The following CACNA2D1 variants were observed in gnomAD, a reference collection of about 807,000 sequenced individuals.
CACNA2D1 encodes calcium voltage-gated channel auxiliary subunit alpha2delta 1.
CACNA2D1 carries 53 observed loss-of-function variants against 171.5 expected under a neutral mutation model. The observed-to-expected ratio is 0.31, with a 90% confidence interval of 0.25 to 0.39. The LOEUF (loss-of-function observed/expected upper bound fraction) is 0.39. Ranked by LOEUF, CACNA2D1 falls within the 10% of genes least tolerant of loss-of-function variation. CACNA2D1 has a pLI of 1.00. For synonymous variants in CACNA2D1, 442 were observed against 443.1 expected (o/e 1.00, Z 0.03); for missense variants, 903 against 1,299.8 (o/e 0.69, Z 4.69).
intron 3 of CACNA2D1, among the ~76,000 whole-genome samples, chr7:82,305,778 T>C (rs1308709765): frequency 1.3e-5 from 2 of 151,888 alleles, no homozygotes; most frequent in Non-Finnish European, 2.9e-5. Flanking sequence ...TTTCATCATA[T>C]CTATAGAGGG....
At chr7:82,426,256 T>C (rs1829177568) in intron 1 of CACNA2D1, among the ~76,000 whole-genome samples, 1 of 152,124 alleles carries the variant, frequency 6.6e-6, no homozygotes, top group Non-Finnish European at 1.5e-5. Flanking sequence ...CTCTGTATAA[T>C]CTGATTCACA....
At chr7:82,197,962 T>A (rs1799021104) in intron 3 of CACNA2D1, among the ~76,000 whole-genome samples, 1 of 151,990 alleles carries the variant, frequency 6.6e-6, no homozygotes, top group African/African-American at 2.4e-5. Context: ...GCAACACATT[T>A]TCCACATTGA....
intron 12 of CACNA2D1, chr7:82,027,850 G>A (rs867269796): frequency 6.6e-6 from 1 of 151,746 alleles, no homozygotes; most frequent in Non-Finnish European, 1.5e-5. Flanking sequence ...GTTATATTCA[G>A]TGGTCCCTGA....
At chr7:82,015,128 C>A (rs899656464) in intron 12 of CACNA2D1, among the ~76,000 whole-genome samples, 1 of 152,132 alleles carries the variant, frequency 6.6e-6, no homozygotes, top group Non-Finnish European at 1.5e-5. Context: ...ACCTGTCTCA[C>A]CTGGTTATAT....
At chr7:82,419,154 C>T (rs1057166420) in intron 1 of CACNA2D1, among the ~76,000 whole-genome samples, 3 of 151,696 alleles carry the variant, frequency 2.0e-5, no homozygotes, top group Admixed American at 6.6e-5. Flanking sequence ...AAAAGTAAAG[C>T]GTCACACTGT....
intron 1 of CACNA2D1, among the ~76,000 whole-genome samples, chr7:82,429,295 T>C (rs1004573356): frequency 6.6e-6 from 1 of 152,218 alleles, no homozygotes; most frequent in African/African-American, 2.4e-5. Context: ...ATGTGTATTA[T>C]ATGTATGCAC....
chr7:82,118,503 C>T (rs1330480458), intron 5 of CACNA2D1, among the ~76,000 whole-genome samples: 1 of 152,046 alleles, frequency 6.6e-6, no homozygotes, highest in African/African-American at 2.4e-5. Flanking sequence ...AGTATTATTC[C>T]TGGCTTTGCA....
Position 81,950,393 on chromosome 7 carries a change from C to T in CACNA2D1, c.3275G>A (p.Ter1092=), listed in dbSNP as rs890005272. The T allele has an allele frequency of 5.0e-6, 8 of 1,612,966 alleles. No homozygotes were observed. The highest frequency in any genetic ancestry group is 1.3e-5 in the African/African-American group (1 of 74,778). Residue 1092 remains the stop codon, a stop_retained_variant, in exon 39 of 39, where the codon TGA becomes TAA. Coordinates refer to ENST00000356860, the MANE Select transcript of CACNA2D1 (RefSeq NM_000722.4). The part of the protein sequence containing the change: ...LVSGSTHRLL[*] ...TATGCAGATTTGGTTTTTAGAAGGT[C>T]ATAACAGGCGGTGTGTGCTGCCAGA...
chr7:82,247,368 G>A (rs1805052473), intron 3 of CACNA2D1, among the ~76,000 whole-genome samples: 1 of 152,018 alleles, frequency 6.6e-6, no homozygotes, highest in Non-Finnish European at 1.5e-5. Flanking sequence ...AAATTAGCCA[G>A]GGGTGGTGAT....
chr7:82,196,576 G>A (rs1798874829), intron 3 of CACNA2D1, among the ~76,000 whole-genome samples: 2 of 152,192 alleles, frequency 1.3e-5, no homozygotes, highest in Admixed American at 1.3e-4. Flanking sequence ...TGTTGTTTTA[G>A]TTGGTCTGTT....
At chr7:82,421,644 A>T (rs1413968262) in intron 1 of CACNA2D1, among the ~76,000 whole-genome samples, 2 of 152,170 alleles carry the variant, frequency 1.3e-5, no homozygotes, top group Admixed American at 6.5e-5. Flanking sequence ...ATACAAAGCC[A>T]CATTTCATCA....
intron 1 of CACNA2D1, among the ~76,000 whole-genome samples, chr7:82,429,143 T>C (rs1187741539): frequency 6.6e-6 from 1 of 152,228 alleles, no homozygotes; most frequent in Non-Finnish European, 1.5e-5. Context: ...CTACAAAGCA[T>C]TTTCAGGTTT....
At chr7:82,030,833 T>C (rs1182810841) in intron 12 of CACNA2D1, among the ~76,000 whole-genome samples, 3 of 152,078 alleles carry the variant, frequency 2.0e-5, no homozygotes, top group African/African-American at 7.2e-5. Context: ...TTTGAGATAG[T>C]ACATTTTATA....
At chr7:82,064,179 G>C in intron 9 of CACNA2D1, 125 bp downstream of exon 9, 3 of 593,618 alleles carry the variant, frequency 5.1e-6, no homozygotes, top group Non-Finnish European at 9.2e-6. Flanking sequence ...GAATATAAAA[G>C]TCATCATAAT....
chr7:82,344,254 A>G (rs1427492469), intron 2 of CACNA2D1, among the ~76,000 whole-genome samples: 1 of 152,228 alleles, frequency 6.6e-6, no homozygotes, highest in East Asian at 1.9e-4. Context: ...TATGATAATC[A>G]CAAGTATTTC....
intron 1 of CACNA2D1, among the ~76,000 whole-genome samples, chr7:82,354,980 T>C (rs941614932): frequency 2.0e-5 from 3 of 152,186 alleles, no homozygotes; most frequent in African/African-American, 7.2e-5. Flanking sequence ...TCTTTTTCTA[T>C]GGAACCAAGA....
chr7:82,005,874 C>T, intron 16 of CACNA2D1, 35 bp from the exon 17 acceptor site: 1 of 1,190,436 alleles, frequency 8.4e-7, no homozygotes, highest in Non-Finnish European at 1.3e-6. Flanking sequence ...CATTTTATGT[C>T]AAAAATTTAC....
At chr7:82,087,653 A>G (rs554152454) in intron 6 of CACNA2D1, among the ~76,000 whole-genome samples, 2 of 152,182 alleles carry the variant, frequency 1.3e-5, no homozygotes, top group African/African-American at 4.8e-5. Flanking sequence ...TTATCTGCCT[A>G]TATTTTTCTG....
intron 24 of CACNA2D1, among the ~76,000 whole-genome samples, chr7:81,977,770 C>G (rs1301740462): frequency 1.3e-5 from 2 of 152,088 alleles, no homozygotes; most frequent in African/African-American, 4.8e-5. Flanking sequence ...AGTTTCTGCA[C>G]AGCAAAAGAA....
Sources: gnomAD v4.1 joint callset for allele counts (sites outside exome capture counted in the v4.1 genomes callset) on GRCh38, gnomAD v4.1.1 for gene constraint, MANE v1.5 for transcripts, NCBI Gene and HGNC (gene_info 2026-07-23, HGNC 2026-07-21) for gene names.